Variants in LRRC69 observed in about 807,000 individuals in gnomAD.
LRRC69 encodes the protein leucine-rich repeat-containing protein 69.
Under a neutral mutation model 37.8 loss-of-function variants are expected in LRRC69, and 42 were observed. The observed-to-expected ratio is 1.11, with a 90% CI of 0.87 to 1.44. The LOEUF is 1.44. Among genes scored for constraint, LRRC69 ranks in the 40% most tolerant of loss-of-function variants. The pLI is 0.00. For synonymous variants in LRRC69, 141 were observed against 143.1 expected, an observed-to-expected ratio of 0.99 and a Z score of 0.11; for missense variants, 357 against 401.9, an observed-to-expected ratio of 0.89 and a Z score of 0.96.
intron 3 of LRRC69, among the ~76,000 whole-genome samples, chr8:91,132,627 A>G (rs888496700): frequency 1.3e-5 from 2 of 151,970 alleles, no homozygotes; most frequent in Admixed American, 1.3e-4. Flanking sequence ...CTCCTAAACC[A>G]GGGCATCCAA....
intron 6 of LRRC69, among the ~76,000 whole-genome samples, chr8:91,198,468 A>G (rs1384720092): frequency 6.6e-6 from 1 of 152,216 alleles, no homozygotes; most frequent in Non-Finnish European, 1.5e-5. Flanking sequence ...ACACCTGAGT[A>G]TACAATAGTT....
chr8:91,187,246 A>G (rs1809421572), intron 5 of LRRC69, among the ~76,000 whole-genome samples: 1 of 152,200 alleles, frequency 6.6e-6, no homozygotes, highest in Non-Finnish European at 1.5e-5. Flanking sequence ...ATTGCTTTAT[A>G]TCCATATCTT....
At chr8:91,135,862 C>G (rs1813903535) in intron 5 of LRRC69, 123 bp downstream of exon 5, 1 of 482,562 alleles carries the variant, frequency 2.1e-6, no homozygotes, top group Non-Finnish European at 3.5e-6. Context: ...ACAAATGACT[C>G]AAAGATTTGC....
intron 6 of LRRC69, among the ~76,000 whole-genome samples, chr8:91,190,273 T>C (rs935583054): frequency 6.6e-5 from 10 of 152,074 alleles, no homozygotes; most frequent in African/African-American, 2.4e-4. Flanking sequence ...ACTTTGTTTT[T>C]TTTTTTTTAA....
intron 1 of LRRC69, among the ~76,000 whole-genome samples, chr8:91,122,695 G>A (rs1325243979): frequency 6.6e-6 from 1 of 151,958 alleles, no homozygotes; most frequent in Non-Finnish European, 1.5e-5. Context: ...CAGTCCTCAG[G>A]GAGATTTTCT....
intron 1 of LRRC69, among the ~76,000 whole-genome samples, chr8:91,113,210 A>C (rs1813439021): frequency 6.6e-6 from 1 of 152,036 alleles, no homozygotes; most frequent in Admixed American, 6.6e-5. Context: ...AAATAGAAAA[A>C]ACAATTTTAA....
At chr8:91,176,129 TATA>T (rs1563614722) in intron 5 of LRRC69, among the ~76,000 whole-genome samples, 2 of 30,030 alleles carry the variant, frequency 6.7e-5, no homozygotes, top group East Asian at 1.1e-3. Flanking sequence ...TATATATATA[TATA>T]TATTTTTTTT....
At chr8:91,214,430 C>G (rs1490861365) in intron 7 of LRRC69, among the ~76,000 whole-genome samples, 1 of 152,170 alleles carries the variant, frequency 6.6e-6, no homozygotes, top group African/African-American at 2.4e-5. Flanking sequence ...TTTCCAACAA[C>G]TGTTCATTCT....
At chr8:91,157,466 A>G in intron 5 of LRRC69, 1 of 1,603,232 alleles carries the variant, frequency 6.2e-7, no homozygotes, top group Non-Finnish European at 8.5e-7. Context: ...ATATGCAAGA[A>G]AGGAAGTTTA....
intron 5 of LRRC69, among the ~76,000 whole-genome samples, chr8:91,147,973 T>TC (rs1808653737): frequency 6.6e-6 from 1 of 151,442 alleles, no homozygotes; most frequent in Non-Finnish European, 1.5e-5. Context: ...GGTTTTCTGT[T>TC]CCTGGGTTAA....
intron 5 of LRRC69, chr8:91,158,419 T>A (rs1808875913): frequency 7.2e-7 from 1 of 1,387,102 alleles, no homozygotes; most frequent in East Asian, 2.3e-5. Context: ...ACAAAGATGA[T>A]GAGGAATTCA....
At chr8:91,153,983 A>T (rs1434853847) in intron 5 of LRRC69, among the ~76,000 whole-genome samples, 1 of 151,880 alleles carries the variant, frequency 6.6e-6, no homozygotes, top group Non-Finnish European at 1.5e-5. Context: ...ACTAATAAAG[A>T]AGAAAAGGGA....
At chr8:91,177,068 G>A (rs936203374) in intron 5 of LRRC69, among the ~76,000 whole-genome samples, 1 of 151,940 alleles carries the variant, frequency 6.6e-6, no homozygotes. Context: ...TTGGGGGGAG[G>A]AATCAGATCT....
chr8:91,116,107 A>G (rs1435309047), intron 1 of LRRC69, among the ~76,000 whole-genome samples: 1 of 152,040 alleles, frequency 6.6e-6, no homozygotes, highest in Non-Finnish European at 1.5e-5. Context: ...TTTGAAAACT[A>G]GTAAAGTGTC....
At chr8:91,156,613 G>A (rs948962339) in intron 5 of LRRC69, among the ~76,000 whole-genome samples, 1 of 150,690 alleles carries the variant, frequency 6.6e-6, no homozygotes, top group Non-Finnish European at 1.5e-5. Context: ...GTTGTCCGTG[G>A]TTTGGAGTAT....
chr8:91,207,648 T>G (rs746530637), intron 7 of LRRC69, among the ~76,000 whole-genome samples: 2 of 152,194 alleles, frequency 1.3e-5, no homozygotes, highest in African/African-American at 4.8e-5. Flanking sequence ...GATAAAGAAC[T>G]AGTGGATAAG....
intron 5 of LRRC69, among the ~76,000 whole-genome samples, chr8:91,176,310 T>C (rs1442892400): frequency 6.6e-6 from 1 of 151,272 alleles, no homozygotes; most frequent in Non-Finnish European, 1.5e-5. Context: ...AGTTTTTTAT[T>C]TTATTTTTTG....
chr8:91,158,046 A>T (rs1808867640), intron 5 of LRRC69: 2 of 1,365,378 alleles, frequency 1.5e-6, no homozygotes, highest in Non-Finnish European at 2.1e-6. Context: ...ATTATCTTTA[A>T]AAACATGACC....
chr8:91,113,377 A>G (rs1281534085), intron 1 of LRRC69, among the ~76,000 whole-genome samples: 1 of 152,096 alleles, frequency 6.6e-6, no homozygotes, highest in Non-Finnish European at 1.5e-5. Flanking sequence ...CACATAGACC[A>G]ATGGGACAGA....
Sources: gnomAD v4.1 joint callset for allele counts (sites outside exome capture counted in the v4.1 genomes callset) on GRCh38, gnomAD v4.1.1 for gene constraint, MANE v1.5 for transcripts, NCBI Gene and HGNC (gene_info 2026-07-23, HGNC 2026-07-21) for gene names.